Variants in FAM167A observed in about 807,000 individuals in gnomAD.
FAM167A encodes the protein family with sequence similarity 167 member A, also known as protein FAM167A.
A neutral mutation model predicts 14.9 loss-of-function variants in FAM167A; 23 were observed. That is an observed-to-expected ratio of 1.55 (90% CI 1.11 to 2.19). The LOEUF (loss-of-function observed/expected upper bound fraction) is 2.19, where lower values mean the gene tolerates loss of function less well. Among genes scored for constraint, FAM167A ranks in the 30% most tolerant of loss-of-function variants. The pLI, the probability that FAM167A is intolerant of heterozygous loss-of-function variation, is 0.00. For synonymous variants in FAM167A, 174 were observed against 117.7 expected (o/e 1.48, Z -3.10); for missense variants, 401 against 281.5 (o/e 1.42, Z -3.04).
At chr8:11,455,722 TGTGA>T (rs770361224) in intron 1 of FAM167A, among the ~76,000 whole-genome samples, 44 of 140,434 alleles carry the variant, frequency 3.1e-4, no homozygotes, top group Non-Finnish European at 5.7e-4. Context: ...TGTATGAGTG[TGTGA>T]GTGTCGGGGG....
intron 1 of FAM167A, among the ~76,000 whole-genome samples, chr8:11,461,610 G>A (rs1363351267): frequency 2.0e-5 from 3 of 152,248 alleles, no homozygotes; most frequent in Non-Finnish European, 4.4e-5. Flanking sequence ...TAAGGACACG[G>A]GGGATGTGTG....
chr8:11,457,143 G>T (rs1373338222), intron 1 of FAM167A, among the ~76,000 whole-genome samples: 4 of 145,650 alleles, frequency 2.7e-5, no homozygotes, highest in Non-Finnish European at 6.0e-5. Flanking sequence ...TGGGTTAGGG[G>T]TGTGGGTGGG....
intron 1 of FAM167A, among the ~76,000 whole-genome samples, chr8:11,460,117 G>A (rs1329583543): frequency 1.3e-5 from 2 of 152,260 alleles, no homozygotes; most frequent in African/African-American, 4.8e-5. Context: ...GGGGCCACCA[G>A]TGTGAGAGGA....
At chr8:11,463,228 C>G (rs952691713) in intron 1 of FAM167A, among the ~76,000 whole-genome samples, 1 of 152,226 alleles carries the variant, frequency 6.6e-6, no homozygotes, top group Admixed American at 6.5e-5. Context: ...ATAGCAGCAG[C>G]CACACAACCA....
chr8:11,473,000 C>T (rs1196297899), intron 1 of FAM167A, among the ~76,000 whole-genome samples: 3 of 152,192 alleles, frequency 2.0e-5, no homozygotes, highest in Non-Finnish European at 4.4e-5. Flanking sequence ...AGAGCCAGCC[C>T]AGGATGTTCA....
At chr8:11,454,767 A>G in intron 1 of FAM167A, among the ~76,000 whole-genome samples, 1 of 152,116 alleles carries the variant, frequency 6.6e-6, no homozygotes, top group Non-Finnish European at 1.5e-5. Context: ...GCCCGGGTTT[A>G]ATCAGAAACC....
rs1308223887 is a variant in FAM167A at position 11,422,079 on chromosome 8, AT to A, written c.*2293del. ...GCAAAATAGCTCAGACATTTAACTT[AT>A]CCCCAAACATGTGTCTTGATCTTAG... On this transcript the variant is annotated 3_prime_UTR_variant, in exon 3 of 3. Coordinates refer to ENST00000284486, the MANE Select transcript of FAM167A (RefSeq NM_053279.3). 5 of 353,742 alleles carry A rather than the reference AT, an allele frequency of 1.4e-5. No individual in the cohort carries two copies. Among genetic ancestry groups the A allele is most frequent in the African/African-American group, 1.0e-4 (5 of 47,746 alleles). The allele number at this position is 353,742 out of a possible 1,614,324, so 21.9% of individuals were successfully genotyped here. A position where few individuals can be genotyped will look rare whatever the true frequency, so the allele number is the denominator to read the frequency against.
At chr8:11,472,377 G>A (rs1002015384), upstream of FAM167A, among the ~76,000 whole-genome samples, 5 of 152,022 alleles carry the variant, frequency 3.3e-5, no homozygotes, top group African/African-American at 1.2e-4. Context: ...ACAGCTGGAA[G>A]GAGGCCTCCT....
At chr8:11,432,634 C>G (rs1007840307) in intron 2 of FAM167A, among the ~76,000 whole-genome samples, 3 of 152,120 alleles carry the variant, frequency 2.0e-5, no homozygotes, top group Non-Finnish European at 2.9e-5. Context: ...ATTAGTTCAA[C>G]CATTGTGGAA....
chr8:11,462,605 C>G (rs931336909), intron 1 of FAM167A, among the ~76,000 whole-genome samples: 1 of 152,214 alleles, frequency 6.6e-6, no homozygotes, highest in African/African-American at 2.4e-5. Flanking sequence ...AGACTGCACG[C>G]TCCCTGAGGG....
intron 1 of FAM167A, among the ~76,000 whole-genome samples, chr8:11,453,534 T>A (rs1049695791): frequency 1.4e-4 from 21 of 152,192 alleles, no homozygotes; most frequent in African/African-American, 4.3e-4. Flanking sequence ...GCACTCAGAC[T>A]GTACCTGGCA....
At chr8:11,448,515 A>T (rs6983820) in intron 1 of FAM167A, among the ~76,000 whole-genome samples, 76,839 of 152,016 alleles carry the variant, frequency 0.51, 20,105 homozygotes, top group East Asian at 0.66. Context: ...CACTGAGCAG[A>T]CACTCTGTTG....
intron 1 of FAM167A, among the ~76,000 whole-genome samples, chr8:11,456,144 T>G (rs113473828): frequency 2.2e-4 from 1 of 4,510 alleles, no homozygotes; most frequent in African/African-American, 1.0e-3. Context: ...GCTGTGTGTG[T>G]GTGTGAATGT....
At chr8:11,460,270 C>T (rs541511103) in intron 1 of FAM167A, among the ~76,000 whole-genome samples, 5 of 152,288 alleles carry the variant, frequency 3.3e-5, no homozygotes, top group South Asian at 4.1e-4. Context: ...CCGATGGGAG[C>T]GGGAGAAACA....
At chr8:11,448,172 C>T (rs13438815) in intron 1 of FAM167A, among the ~76,000 whole-genome samples, 22,428 of 144,736 alleles carry the variant, frequency 0.15, 2,275 homozygotes, top group African/African-American at 0.3. Context: ...CCAGCCTGGG[C>T]GACAGGGCGA....
chr8:11,464,842 G>A (rs1246218883), intron 1 of FAM167A, among the ~76,000 whole-genome samples: 2 of 152,240 alleles, frequency 1.3e-5, no homozygotes, highest in East Asian at 3.9e-4. Context: ...CATTGGCCTG[G>A]GGCTCTGTGG....
Position 11,431,917 on chromosome 8 carries a change from A to AAAAAAAAAAG in FAM167A, c.382-7282_382-7281insCTTTTTTTTT, listed in dbSNP as rs752330983. Among the ~76,000 whole-genome samples, 10 of 99,498 alleles carry AAAAAAAAAAG rather than the reference A, an allele frequency of 1.0e-4. 1 individual carries two copies. The highest frequency in any genetic ancestry group is 1.6e-4 in the African/African-American group (4 of 25,312). 65.3% of individuals were successfully genotyped at this position (99,498 alleles called of 152,430 possible). ...GCAAAAAAAAAAAAAAAAAAAAAAA[A>AAAAAAAAAAG]AAGGATTTTGTTCTTTGCCAAAGGC... On this transcript the variant is annotated intron_variant, in intron 2 of 2. Coordinates refer to ENST00000284486, the MANE Select transcript of FAM167A (RefSeq NM_053279.3).
upstream of FAM167A, among the ~76,000 whole-genome samples, chr8:11,469,589 A>G (rs1162060293): frequency 6.6e-6 from 1 of 152,226 alleles, no homozygotes; most frequent in Non-Finnish European, 1.5e-5. Flanking sequence ...ATGCCCAACC[A>G]GGCATGGTAG....
chr8:11,444,282 G>C lies in FAM167A; in HGVS notation c.130C>G (p.Pro44Ala). 2 of 1,611,928 alleles carry C rather than the reference G, an allele frequency of 1.2e-6. No individual in the cohort carries two copies. Among genetic ancestry groups the C allele is most frequent in the Non-Finnish European group, 1.7e-6 (2 of 1,179,866 alleles). ...CTGGCCTGCCATTCCAGGTAGGAGG[G>C]CCTGCGGGTCTCCAGCCTCAGTTTC... ...TEKLRLETRR[P>A]SYLEWQARLE... The change falls in exon 2 of 3, where the codon CCC becomes GCC. Residue 44 changes from proline to alanine, a missense_variant. By Grantham distance (27) the Pro-to-Ala change is conservative. Transcript: ENST00000284486.
Sources: allele counts gnomAD v4.1 joint callset (sites outside exome capture counted in the v4.1 genomes callset), GRCh38; gene constraint gnomAD v4.1.1; transcripts MANE v1.5; gene names NCBI Gene and HGNC (gene_info 2026-07-23, HGNC 2026-07-21).